SLC19A1: variants seen among roughly 807,000 people sequenced by gnomAD.
SLC19A1 encodes solute carrier family 19 member 1.
SLC19A1 carries 37 observed loss-of-function variants against 35.3 expected under a neutral mutation model. The ratio of observed to expected loss-of-function variants is 1.05; its 90% CI spans 0.81 to 1.38. SLC19A1 has a LOEUF of 1.38. Among genes scored for constraint, SLC19A1 ranks in the 40% most tolerant of loss-of-function variants. SLC19A1 has a pLI of 0.00. For synonymous variants in SLC19A1, 460 were observed against 398.5 expected, an observed-to-expected ratio of 1.15 and a Z score of -1.84; for missense variants, 831 against 826.9, an observed-to-expected ratio of 1.00 and a Z score of -0.06.
Position 45,532,151 on chromosome 21 carries a change from G to A in SLC19A1, c.190-3C>T. ...ACCGGCGTGATCTCGTTCGTGACCT[G>A]CGGACAGGCGGGCGTGCGCCCCACC... On this transcript the variant is annotated splice_region_variant and splice_polypyrimidine_tract_variant and intron_variant, in intron 2 of 5. Coordinates refer to ENST00000311124, the MANE Select transcript of SLC19A1 (RefSeq NM_194255.4). 1 of 1,586,132 alleles carries A rather than the reference G, an allele frequency of 6.3e-7. No individual in the cohort carries two copies. The highest frequency in any genetic ancestry group is 8.6e-7 in the Non-Finnish European group (1 of 1,162,620).
Position 45,534,560 on chromosome 21 carries a change from T to C in SLC19A1, c.190-2412A>G. 1 of 1,535,668 alleles carries C rather than the reference T, an allele frequency of 6.5e-7. No homozygotes were observed. Among genetic ancestry groups the C allele is most frequent in the Non-Finnish European group, 8.7e-7 (1 of 1,146,846 alleles). Reference sequence around the variant, plus strand: ...CACCTCCGAATGAATGGAGCATGCCTCATTTCCTCTTCCACCAGGAGCTGG... The same window carrying C: ...CACCTCCGAATGAATGGAGCATGCCCCATTTCCTCTTCCACCAGGAGCTGG... On this transcript the variant is annotated intron_variant, in intron 2 of 5. Transcript: ENST00000311124. This position sits in a 1 kb window ranked among gnomAD's most constrained non-coding sequence, Gnocchi z 4.2.
chr21:45,550,145 C>G (rs2078451459), intron 1 of SLC19A1, among the ~76,000 whole-genome samples: 1 of 152,158 alleles, frequency 6.6e-6, no homozygotes, highest in African/African-American at 2.4e-5. Context: ...GCATCCTGCT[C>G]CTGCCCACCC....
intron 2 of SLC19A1, among the ~76,000 whole-genome samples, chr21:45,532,710 C>T (rs1236003810): frequency 6.6e-6 from 1 of 152,220 alleles, no homozygotes; most frequent in Admixed American, 6.5e-5. Context: ...GCTAGGATTA[C>T]AGGCACCAGC....
intron 5 of SLC19A1, among the ~76,000 whole-genome samples, chr21:45,519,427 G>A (rs951309239): frequency 8.5e-5 from 13 of 152,054 alleles, no homozygotes; most frequent in East Asian, 3.9e-4. Context: ...ACTCAACTAC[G>A]TGCTGTCTAC....
chr21:45,503,910 A>G, intron 3 of SLC19A1: 1 of 1,230,332 alleles, frequency 8.1e-7, no homozygotes, highest in Non-Finnish European at 1.2e-6. Context: ...CGAAATGGCT[A>G]GAAGGGCCTC....
In SLC19A1 at chr21:45,530,187, G is replaced by A. The variant is rs906124712; in HGVS notation, c.1151+583C>T. On this transcript the variant is annotated intron_variant, in intron 4 of 5. Transcript: ENST00000311124. This position sits in a 1 kb window ranked among gnomAD's most constrained non-coding sequence, Gnocchi z 5.3. ...GTGTGTGGTGCGTCCATGTGTAGTG[G>A]GTGTCCATGTGTGATATATCCATGT... Among the ~76,000 whole-genome samples the A allele has an allele frequency of 6.8e-6, 1 of 147,996 alleles. No individual in the cohort carries two copies. The highest frequency in any genetic ancestry group is 2.5e-5 in the African/African-American group (1 of 39,996).
Position 45,505,397 on chromosome 21 carries a change from CTGGGCCCCCTGGAACCA to C in SLC19A1, c.498-6802_498-6786del, listed in dbSNP as rs775373948. On this transcript the variant is annotated intron_variant, in intron 3 of 4. Coordinates refer to the SLC19A1 transcript ENST00000417954. ...GGCCCTCCGGGCCCCCCTGGGCCCC[CTGGGCCCCCTGGAACCA>C]TGGGCGCCTCCTCAGGGGTAAGTGT... The C allele has an allele frequency of 2.5e-6, 4 of 1,583,298 alleles. No individual in the cohort carries two copies. The highest frequency in any genetic ancestry group is 3.5e-6 in the Non-Finnish European group (4 of 1,157,868).
downstream of SLC19A1, chr21:45,510,220 C>A: frequency 6.2e-7 from 1 of 1,606,004 alleles, no homozygotes; most frequent in Non-Finnish European, 8.5e-7. Context: ...CAGCATCGTG[C>A]GCCGTGCCGA....
chr21:45,506,319 G>C (rs2037202119), intron 3 of SLC19A1: 3 of 367,412 alleles, frequency 8.2e-6, no homozygotes, highest in South Asian at 6.5e-5. Context: ...AGGCCCTCCA[G>C]GGCCACGTGA....
chr21:45,519,480 T>C (rs1250076737), intron 5 of SLC19A1, among the ~76,000 whole-genome samples: 1 of 129,222 alleles, frequency 7.7e-6, no homozygotes, highest in African/African-American at 3.0e-5. Flanking sequence ...AGGTTGAAAG[T>C]AAAACGATGG....
intron 4 of SLC19A1, among the ~76,000 whole-genome samples, chr21:45,527,231 A>AGCC: frequency 1.5e-5 from 2 of 129,326 alleles, no homozygotes; most frequent in Admixed American, 7.8e-5. Context: ...GGTGAGTGGC[A>AGCC]ATTGGGGGGG....
At chr21:45,552,606 G>A (rs2078477262) in intron 1 of SLC19A1, among the ~76,000 whole-genome samples, 1 of 152,212 alleles carries the variant, frequency 6.6e-6, no homozygotes, top group African/African-American at 2.4e-5. Flanking sequence ...CAGCAGAGCA[G>A]ACAGCCTCTC....
chr21:45,512,251 T>C (rs1473302420), downstream of SLC19A1: 1 of 1,612,314 alleles, frequency 6.2e-7, no homozygotes, highest in South Asian at 1.1e-5. Flanking sequence ...AGAGCTACTG[T>C]GAGACGTGGC....
At position 45,530,919 on chromosome 21, in the gene SLC19A1, C is replaced by G; in HGVS notation, c.1002G>C (p.Trp334Cys). 2.1e-6 allele frequency: 3 copies of G among 1,461,562 alleles called. No homozygotes were observed. The highest frequency in any genetic ancestry group is 2.7e-6 in the Non-Finnish European group (3 of 1,108,836). 90.5% of individuals were successfully genotyped at this position (1,461,562 alleles called of 1,614,324 possible). The change falls in exon 4 of 6, where the codon TGG becomes TGC. Residue 334 changes from tryptophan to cysteine, a missense_variant. Physicochemically the swap from Trp to Cys is radical, Grantham distance 215 (BLOSUM62 -2). Transcript: ENST00000311124. The surrounding 1 kb of genome is among the most constrained non-coding windows in gnomAD (Gnocchi z 5.3). ...AGFVKIRWAR[W>C]SKLLIAGVTA... ...TGACGCCCGCGATGAGCAGCTTGGA[C>G]CAGCGCGCCCAGCGGATCTTCACGA... is the stretch of plus-strand genomic sequence containing the variant.
downstream of SLC19A1, chr21:45,509,989 C>A: frequency 6.7e-7 from 1 of 1,492,120 alleles, no homozygotes; most frequent in Non-Finnish European, 9.0e-7. Context: ...GGTGCGGGGC[C>A]GGGGTGGTGC....
rs1350430069 is a variant in SLC19A1 at position 45,525,954 on chromosome 21, G to A, written c.1156C>T (p.Gln386Ter). 6.2e-7 allele frequency: 1 copy of A among 1,613,150 alleles called. No homozygotes were observed. Among genetic ancestry groups the A allele is most frequent in the African/African-American group, 1.3e-5 (1 of 75,076 alleles). Reference sequence around the variant, plus strand: ...TCTTTAGACAGAGAAGATGCAATCTGAAAGCTGAACGGGAAGAGCGGGCAG... The same window carrying A: ...TCTTTAGACAGAGAAGATGCAATCTAAAAGCTGAACGGGAAGAGCGGGCAG... ...YQFLVPIATF[Q>*]IASSLSKELC... The change falls in exon 5 of 6, where the codon CAG becomes TAG. Residue 386 changes from glutamine (Q) to a stop codon, truncating the protein, a stop_gained. Transcript: ENST00000311124. LOFTEE classifies it high-confidence loss of function.
chr21:45,505,096 C>G lies in SLC19A1; in HGVS notation c.498-6484G>C. The G allele has an allele frequency of 3.1e-6, 5 of 1,598,748 alleles. No homozygotes were observed. The South Asian group carries it at 4.4e-5, about 14-fold the overall frequency. The stretch of plus-strand genomic sequence containing the variant: ...GCTTGCCCGCCCCCAGTCCAGGGCA[C>G]GAGGTAACCAGGAAGCGTCTCTTGT... On this transcript the variant is annotated intron_variant, in intron 3 of 4. Transcript: ENST00000417954.
rs2078001440 is a variant in SLC19A1 at position 45,533,404 on chromosome 21, G to A, written c.190-1256C>T. 6.6e-6 allele frequency among the ~76,000 whole-genome samples: 1 copy of A among 152,164 alleles called. No individual in the cohort carries two copies. Among genetic ancestry groups the A allele is most frequent in the East Asian group, 1.9e-4 (1 of 5,194 alleles). ...TGTCTTGGCAGGGGCCAGGGCTGCT[G>A]TGGGCACACCTGGGCACACCTGGGC... On this transcript the variant is annotated intron_variant, in intron 2 of 5. Transcript: ENST00000311124. This position sits in a 1 kb window ranked among gnomAD's most constrained non-coding sequence, Gnocchi z 4.5.
upstream of SLC19A1, among the ~76,000 whole-genome samples, chr21:45,546,681 A>C (rs1421895351): frequency 2.0e-5 from 3 of 152,224 alleles, no homozygotes; most frequent in African/African-American, 7.2e-5. Context: ...GAGTGTTCGA[A>C]AAACATTAAA....
Sources: allele counts gnomAD v4.1 joint callset (sites outside exome capture counted in the v4.1 genomes callset), GRCh38; gene constraint gnomAD v4.1.1; non-coding constraint Gnocchi (gnomAD v3.1); transcripts MANE v1.5; gene names NCBI Gene and HGNC (gene_info 2026-07-23, HGNC 2026-07-21).